Variants in AFF3 observed in about 807,000 individuals in gnomAD.
AFF3 encodes ALF transcription elongation factor 3, also known as AF4/FMR2 family member 3.
Under a neutral mutation model 129.7 loss-of-function variants are expected in AFF3, and 32 were observed. The observed-to-expected ratio is 0.25, with a 90% CI of 0.19 to 0.33. AFF3 has a LOEUF of 0.33. AFF3 is among the 10% of genes least tolerant of loss of function. The pLI is 1.00. For synonymous variants in AFF3, 644 were observed against 635.4 expected (o/e 1.01, Z -0.20); for missense variants, 1,373 against 1,592.0 (o/e 0.86, Z 2.34).
intron 11 of AFF3, among the ~76,000 whole-genome samples, chr2:99,698,832 T>C (rs1676556997): frequency 6.6e-6 from 1 of 152,206 alleles, no homozygotes; most frequent in Non-Finnish European, 1.5e-5. Flanking sequence ...AACATAAATA[T>C]AACCAAAATG....
intron 8 of AFF3, among the ~76,000 whole-genome samples, chr2:99,794,420 A>C (rs891244509): frequency 3.9e-5 from 6 of 152,150 alleles, no homozygotes; most frequent in Non-Finnish European, 8.8e-5. Context: ...TAGTATCTCT[A>C]CTTAATGCTC....
At chr2:99,612,504 G>A (rs1681031232) in intron 13 of AFF3, among the ~76,000 whole-genome samples, 1 of 152,232 alleles carries the variant, frequency 6.6e-6, no homozygotes, top group Non-Finnish European at 1.5e-5. Context: ...AAATGAGGCT[G>A]TAAAAATGTT....
At chr2:100,137,071 A>G (rs1692667638) in intron 1 of AFF3, among the ~76,000 whole-genome samples, 2 of 152,154 alleles carry the variant, frequency 1.3e-5, no homozygotes, top group African/African-American at 4.8e-5. Flanking sequence ...ATTATTTTGA[A>G]TTATTTTACT....
At chr2:99,740,431 A>C (rs1367214074) in intron 10 of AFF3, among the ~76,000 whole-genome samples, 2 of 149,346 alleles carry the variant, frequency 1.3e-5, no homozygotes, top group Non-Finnish European at 3.0e-5. Context: ...TCCCACCAAC[A>C]GTGTAAAAGT....
chr2:100,062,951 T>C (rs1309458440), intron 4 of AFF3, among the ~76,000 whole-genome samples: 1 of 152,076 alleles, frequency 6.6e-6, no homozygotes, highest in Admixed American at 6.5e-5. Flanking sequence ...CAAGTGACTA[T>C]CAAAAATGAC....
chr2:99,582,834 G>A lies in AFF3; in HGVS notation c.2757C>T (p.Ala919=), dbSNP rs1381265076. 6 of 1,614,214 alleles carry A rather than the reference G, an allele frequency of 3.7e-6. No individual in the cohort carries two copies. The highest frequency in any genetic ancestry group is 1.3e-5 in the African/African-American group (1 of 75,054). ...CGCCGTGAGGCTGCAGCTGGCTGTC[G>A]GCCTTAGGCTTTTTGCTGGAAGAGG... ...TSASSSKKPK[A]DSQLQPHGGD... Residue 919 remains alanine, a synonymous_variant, in exon 17 of 25, where the codon GCC becomes GCT. Coordinates refer to ENST00000672756, the MANE Select transcript of AFF3 (RefSeq NM_001386135.1).
At chr2:99,952,996 A>G (rs1002845258) in intron 7 of AFF3, among the ~76,000 whole-genome samples, 3 of 152,230 alleles carry the variant, frequency 2.0e-5, no homozygotes, top group African/African-American at 7.2e-5. Context: ...TAATACATGG[A>G]AAGTGCTCCA....
At chr2:99,961,122 T>C (rs1346250228) in intron 7 of AFF3, among the ~76,000 whole-genome samples, 1 of 152,190 alleles carries the variant, frequency 6.6e-6, no homozygotes, top group Non-Finnish European at 1.5e-5. Flanking sequence ...AGCCACTCAT[T>C]GTCACAGAGT....
chr2:99,877,761 T>C (rs1044803143), intron 7 of AFF3, among the ~76,000 whole-genome samples: 23 of 152,240 alleles, frequency 1.5e-4, no homozygotes, highest in African/African-American at 5.3e-4. Flanking sequence ...AAATAGAGAC[T>C]AGACACTATC....
chr2:99,741,791 T>G (rs375022664), intron 10 of AFF3, among the ~76,000 whole-genome samples: 3 of 152,114 alleles, frequency 2.0e-5, no homozygotes, highest in South Asian at 2.1e-4. Flanking sequence ...AACAAAGCTG[T>G]AGGCATCACA....
At chr2:99,935,281 G>A (rs1191353395) in intron 7 of AFF3, among the ~76,000 whole-genome samples, 1 of 152,178 alleles carries the variant, frequency 6.6e-6, no homozygotes, top group Non-Finnish European at 1.5e-5. Flanking sequence ...TGTTATGGCT[G>A]ACCTTTGCCT....
At chr2:99,721,609 C>G (rs1678900642) in intron 11 of AFF3, among the ~76,000 whole-genome samples, 1 of 151,690 alleles carries the variant, frequency 6.6e-6, no homozygotes, top group African/African-American at 2.4e-5. Flanking sequence ...CTTAAAGATG[C>G]CTTTGCACTG....
chr2:99,824,241 C>T (rs1296263941), intron 8 of AFF3, among the ~76,000 whole-genome samples: 1 of 152,026 alleles, frequency 6.6e-6, no homozygotes, highest in Non-Finnish European at 1.5e-5. Context: ...TCAGCCTCCC[C>T]AGTAGCTGGG....
chr2:99,908,617 C>T (rs1694889745), intron 7 of AFF3, among the ~76,000 whole-genome samples: 1 of 151,994 alleles, frequency 6.6e-6, no homozygotes, highest in African/African-American at 2.4e-5. Flanking sequence ...TGAACTCAAA[C>T]AAATTTACAA....
chr2:99,844,944 T>TA (rs1410506126), intron 7 of AFF3, among the ~76,000 whole-genome samples: 4 of 151,582 alleles, frequency 2.6e-5, no homozygotes, highest in Non-Finnish European at 5.9e-5. Flanking sequence ...ATGAATAAAT[T>TA]AATGACCAAT....
At chr2:99,935,336 G>A (rs1021260000) in intron 7 of AFF3, among the ~76,000 whole-genome samples, 1 of 152,176 alleles carries the variant, frequency 6.6e-6, no homozygotes, top group Non-Finnish European at 1.5e-5. Context: ...CCTTCTTACT[G>A]TGCTTAGCCA....
At chr2:100,104,126 G>A (rs1691003811) in intron 4 of AFF3, among the ~76,000 whole-genome samples, 1 of 152,038 alleles carries the variant, frequency 6.6e-6, no homozygotes, top group Non-Finnish European at 1.5e-5. Context: ...CCTCCCCACG[G>A]CTGCGCTCTG....
intron 1 of AFF3, among the ~76,000 whole-genome samples, chr2:100,131,041 T>C (rs1226979005): frequency 6.6e-6 from 1 of 152,206 alleles, no homozygotes; most frequent in Non-Finnish European, 1.5e-5. Context: ...CCCCAGATTA[T>C]AAACACCATA....
intron 7 of AFF3, among the ~76,000 whole-genome samples, chr2:99,852,807 T>C (rs1428363012): frequency 1.3e-5 from 2 of 152,222 alleles, no homozygotes; most frequent in African/African-American, 4.8e-5. Context: ...ATGAGGACTT[T>C]TAGTCCTTTG....
Sources: gnomAD v4.1 joint callset for allele counts (sites outside exome capture counted in the v4.1 genomes callset) on GRCh38, gnomAD v4.1.1 for gene constraint, MANE v1.5 for transcripts, NCBI Gene and HGNC (gene_info 2026-07-23, HGNC 2026-07-21) for gene names.